The following RBFOX1 variants were observed in gnomAD, a reference collection of about 807,000 sequenced individuals.
The protein encoded by RBFOX1 is RNA binding fox-1 homolog 1.
Under a neutral mutation model 57.7 loss-of-function variants are expected in RBFOX1, and 8 were observed. The ratio of observed to expected loss-of-function variants is 0.14; its 90% CI spans 0.08 to 0.25. The LOEUF (loss-of-function observed/expected upper bound fraction) is 0.25, where lower values mean the gene tolerates loss of function less well. Ranked by LOEUF, RBFOX1 falls within the 10% of genes least tolerant of loss-of-function variation. The pLI, the probability that RBFOX1 is intolerant of heterozygous loss-of-function variation, is 1.00. For synonymous variants in RBFOX1, 326 were observed against 222.4 expected, an observed-to-expected ratio of 1.47 and a Z score of -4.15; for missense variants, 611 against 548.5, an observed-to-expected ratio of 1.11 and a Z score of -1.14.
chr16:5,578,194 C>T (rs1021628557), intron 2 of RBFOX1, among the ~76,000 whole-genome samples: 1 of 152,166 alleles, frequency 6.6e-6, no homozygotes, highest in African/African-American at 2.4e-5. Flanking sequence ...TCGTGATCCA[C>T]CCACCTCGGC....
chr16:7,539,556 T>C (rs1168435727), intron 5 of RBFOX1, among the ~76,000 whole-genome samples: 1 of 152,236 alleles, frequency 6.6e-6, no homozygotes, highest in Non-Finnish European at 1.5e-5. Flanking sequence ...TATTTCCCAA[T>C]GGGATCACCC....
At chr16:7,091,555 C>T (rs948839867) in intron 4 of RBFOX1, among the ~76,000 whole-genome samples, 2 of 151,988 alleles carry the variant, frequency 1.3e-5, no homozygotes, top group African/African-American at 2.4e-5. Context: ...AACGAAAATG[C>T]ATCATTTTTT....
intron 4 of RBFOX1, among the ~76,000 whole-genome samples, chr16:7,272,236 G>A (rs774919554): frequency 7.9e-5 from 12 of 152,138 alleles, no homozygotes. Context: ...CAGAGCTGGA[G>A]TGCATTGGTA....
At chr16:7,341,982 A>G (rs1801595457) in intron 4 of RBFOX1, among the ~76,000 whole-genome samples, 2 of 151,878 alleles carry the variant, frequency 1.3e-5, no homozygotes, top group Admixed American at 1.3e-4. Context: ...TTTAATCTGT[A>G]TTGGCTCCTG....
rs1052922466 is a variant in RBFOX1 at position 5,305,611 on chromosome 16, G to C, written c.219+65506G>C. 1.8e-4 allele frequency among the ~76,000 whole-genome samples: 27 copies of C among 152,106 alleles called. 4 individuals are homozygous for C. The highest frequency in any genetic ancestry group is 1.7e-3 in the Admixed American group (26 of 15,260). ...TTCTTGCCCTTGCAAGAGATGTCTT[G>C]TGAAATTCTTTTCTTGTGAAAAATA... On this transcript the variant is annotated intron_variant, in intron 1 of 2. Coordinates refer to the RBFOX1 transcript ENST00000585867.
rs202152020 is a variant in RBFOX1, at chr16:7,264,703, C to CT, written c.27+212615dup. 1.6e-3 allele frequency among the ~76,000 whole-genome samples: 240 copies of CT among 150,074 alleles called. 1 individual carries two copies. Among genetic ancestry groups the CT allele is most frequent in the African/African-American group, 4.5e-3 (186 of 41,076 alleles). ...TTATTTTTCTTTGGATTTTTCTCAA[C>CT]TTTTTTTTTTAAAAAAATGTAATCA... On this transcript the variant is annotated intron_variant, in intron 4 of 15. Coordinates refer to ENST00000550418, the MANE Select transcript of RBFOX1 (RefSeq NM_018723.4).
rs144034664 is a variant in RBFOX1 at position 6,126,293 on chromosome 16, G to A, written c.-127+106301G>A. On this transcript the variant is annotated intron_variant, in intron 1 of 15. Transcript: ENST00000550418. ...AACAGTGACCTAACCTTCGCAGGCC[G>A]TTGGTGTTAGCCCTCTCTTACCTTC... Among the ~76,000 whole-genome samples the A allele has an allele frequency of 1.8e-4, 27 of 152,340 alleles. No individual in the cohort carries two copies. The East Asian group carries it at 3.3e-3, about 19-fold the overall frequency.
chr16:5,765,014 C>A (rs532810383), intron 3 of RBFOX1, among the ~76,000 whole-genome samples: 1 of 152,226 alleles, frequency 6.6e-6, no homozygotes, highest in East Asian at 1.9e-4. Context: ...CGCAGGGTAC[C>A]TGATACTGTG....
chr16:6,547,097 C>A (rs2096906933), intron 2 of RBFOX1, among the ~76,000 whole-genome samples: 1 of 152,240 alleles, frequency 6.6e-6, no homozygotes, highest in East Asian at 1.9e-4. Flanking sequence ...CCCTGCCCAA[C>A]TCTATTGCAT....
chr16:6,928,274 G>C (rs1171705431), intron 3 of RBFOX1, among the ~76,000 whole-genome samples: 2 of 152,182 alleles, frequency 1.3e-5, no homozygotes, highest in South Asian at 4.1e-4. Flanking sequence ...ATTTTTAAAA[G>C]CTTACAGCCA....
chr16:5,355,372 A>C (rs552960763), intron 1 of RBFOX1, among the ~76,000 whole-genome samples: 1 of 152,158 alleles, frequency 6.6e-6, no homozygotes, highest in African/African-American at 2.4e-5. Context: ...CCTGGAGGAC[A>C]CGTGTATGTG....
At chr16:5,477,879 T>C (rs2069386615) in intron 2 of RBFOX1, among the ~76,000 whole-genome samples, 1 of 152,204 alleles carries the variant, frequency 6.6e-6, no homozygotes, top group Non-Finnish European at 1.5e-5. Context: ...CGTGATGTTT[T>C]TCGTTAGCTG....
intron 3 of RBFOX1, among the ~76,000 whole-genome samples, chr16:6,752,945 A>G (rs2075200137): frequency 6.6e-6 from 1 of 152,172 alleles, no homozygotes; most frequent in Non-Finnish European, 1.5e-5. Flanking sequence ...TGAATATGTA[A>G]TAATTGTACT....
intron 10 of RBFOX1, among the ~76,000 whole-genome samples, chr16:7,626,379 G>C (rs1349570041): frequency 1.3e-5 from 2 of 152,230 alleles, no homozygotes; most frequent in Admixed American, 6.5e-5. Flanking sequence ...CTTGGCACTG[G>C]CTTACTCCCT....
intron 3 of RBFOX1, among the ~76,000 whole-genome samples, chr16:6,832,408 A>G (rs2092771609): frequency 6.6e-6 from 1 of 152,182 alleles, no homozygotes; most frequent in Non-Finnish European, 1.5e-5. Context: ...CTTAATAGTG[A>G]CTGAGGGGTC....
chr16:6,154,041 G>A (rs771494329), intron 1 of RBFOX1, among the ~76,000 whole-genome samples: 18 of 152,200 alleles, frequency 1.2e-4, no homozygotes, highest in Non-Finnish European at 2.2e-4. Context: ...ATGAGGATAA[G>A]TCCAGACCTC....
intron 3 of RBFOX1, among the ~76,000 whole-genome samples, chr16:6,885,607 C>G (rs1442713638): frequency 2.0e-5 from 3 of 152,066 alleles, no homozygotes; most frequent in Non-Finnish European, 4.4e-5. Context: ...TCTCGGCTCA[C>G]TGCCACCTCT....
At chr16:7,206,527 C>G (rs542922130) in intron 4 of RBFOX1, among the ~76,000 whole-genome samples, 3 of 151,948 alleles carry the variant, frequency 2.0e-5, no homozygotes, top group Non-Finnish European at 4.4e-5. Context: ...CACTTGCAAG[C>G]TCTCAAAAAT....
chr16:7,464,497 C>T, intron 4 of RBFOX1, among the ~76,000 whole-genome samples: 1 of 151,912 alleles, frequency 6.6e-6, no homozygotes, highest in Non-Finnish European at 1.5e-5. Context: ...TTTGGGGTTG[C>T]CAAGGCCTAT....
Sources: gnomAD v4.1 joint callset for allele counts (sites outside exome capture counted in the v4.1 genomes callset) on GRCh38, gnomAD v4.1.1 for gene constraint, MANE v1.5 for transcripts, NCBI Gene and HGNC (gene_info 2026-07-23, HGNC 2026-07-21) for gene names.